The following PDE4D variants were observed in gnomAD, a reference collection of about 807,000 sequenced individuals.
PDE4D encodes phosphodiesterase 4D.
PDE4D carries 24 observed loss-of-function variants against 87.4 expected under a neutral mutation model. The observed-to-expected ratio is 0.27, with a 90% CI of 0.20 to 0.39. The LOEUF (loss-of-function observed/expected upper bound fraction) is 0.39. Ranked by LOEUF, PDE4D falls within the 10% of genes least tolerant of loss-of-function variation. The pLI, the probability that PDE4D is intolerant of heterozygous loss-of-function variation, is 1.00. For missense variants in PDE4D, 714 were observed against 1,041.0 expected (o/e 0.69, Z 4.32); for synonymous variants, 384 against 383.2 (o/e 1.00, Z -0.02).
chr5:59,457,815 G>A (rs550332518), intron 1 of PDE4D, among the ~76,000 whole-genome samples: 1 of 152,180 alleles, frequency 6.6e-6, no homozygotes, highest in East Asian at 1.9e-4. Context: ...AAAATCGCTT[G>A]AACCCAGGAA....
At chr5:59,004,940 AG>A (rs1218233148) in intron 6 of PDE4D, among the ~76,000 whole-genome samples, 1 of 152,168 alleles carries the variant, frequency 6.6e-6, no homozygotes, top group East Asian at 1.9e-4. Context: ...CTCCTCATCC[AG>A]GGTGGAGGAT....
intron 1 of PDE4D, among the ~76,000 whole-genome samples, chr5:59,419,295 G>A (rs1468821093): frequency 6.6e-6 from 1 of 152,068 alleles, no homozygotes; most frequent in Admixed American, 6.6e-5. Flanking sequence ...TGAGCAGTTC[G>A]ACTTTGATTT....
intron 1 of PDE4D, among the ~76,000 whole-genome samples, chr5:60,455,288 A>G (rs1746387294): frequency 6.6e-6 from 1 of 152,186 alleles, no homozygotes; most frequent in East Asian, 1.9e-4. Context: ...TAAACACTAG[A>G]TGACATTTTA....
At chr5:59,285,514 T>TAA (rs11383327) in intron 1 of PDE4D, among the ~76,000 whole-genome samples, 2 of 149,872 alleles carry the variant, frequency 1.3e-5, no homozygotes, top group African/African-American at 4.9e-5. Context: ...GTGTTATAAT[T>TAA]AAAAAAAAAA....
At chr5:60,242,137 A>G (rs1583187875) in intron 1 of PDE4D, among the ~76,000 whole-genome samples, 1 of 152,258 alleles carries the variant, frequency 6.6e-6, no homozygotes, top group South Asian at 2.1e-4. Context: ...AAAAGGGTGG[A>G]AAAAGATATT....
At chr5:59,609,428 A>G (rs1215674938) in intron 1 of PDE4D, among the ~76,000 whole-genome samples, 1 of 143,828 alleles carries the variant, frequency 7.0e-6, no homozygotes, top group Non-Finnish European at 1.5e-5. Context: ...TCTGAATATC[A>G]CTATGATTTG....
At chr5:60,132,509 C>T (rs939262816) in intron 2 of PDE4D, among the ~76,000 whole-genome samples, 1 of 151,964 alleles carries the variant, frequency 6.6e-6, no homozygotes, top group African/African-American at 2.4e-5. Context: ...ATAATAGAAT[C>T]AGTATATTGT....
At chr5:60,140,102 A>G (rs982051402) in intron 2 of PDE4D, among the ~76,000 whole-genome samples, 1 of 152,084 alleles carries the variant, frequency 6.6e-6, no homozygotes, top group African/African-American at 2.4e-5. Flanking sequence ...TTGGTCCTGT[A>G]ATTAAGTTAG....
At chr5:59,454,157 T>C (rs1283002372) in intron 1 of PDE4D, among the ~76,000 whole-genome samples, 1 of 152,204 alleles carries the variant, frequency 6.6e-6, no homozygotes, top group East Asian at 1.9e-4. Context: ...CTACTGCTCT[T>C]ATATAAAGAT....
intron 1 of PDE4D, among the ~76,000 whole-genome samples, chr5:59,528,647 T>G (rs1813598176): frequency 6.6e-6 from 1 of 152,192 alleles, no homozygotes; most frequent in East Asian, 1.9e-4. Flanking sequence ...TAGGAATTTC[T>G]GGAATTTGCT....
At chr5:60,467,900 A>T (rs2150185168) in intron 1 of PDE4D, among the ~76,000 whole-genome samples, 1 of 152,250 alleles carries the variant, frequency 6.6e-6, no homozygotes, top group Middle Eastern at 3.4e-3. Context: ...ACAAGGGGGA[A>T]ATCCACCCCC....
chr5:59,875,871 A>G (rs1245584231), intron 1 of PDE4D, among the ~76,000 whole-genome samples: 1 of 152,168 alleles, frequency 6.6e-6, no homozygotes, highest in East Asian at 1.9e-4. Context: ...AGAAAAACAG[A>G]TACCACATGT....
At chr5:60,017,482 G>T (rs1765637538) in intron 2 of PDE4D, among the ~76,000 whole-genome samples, 1 of 151,986 alleles carries the variant, frequency 6.6e-6, no homozygotes, top group African/African-American at 2.4e-5. Flanking sequence ...AGTGTGTGTT[G>T]TTCCCCTCCC....
At chr5:59,966,971 AC>A (rs544218535) in intron 3 of PDE4D, among the ~76,000 whole-genome samples, 2 of 152,174 alleles carry the variant, frequency 1.3e-5, no homozygotes, top group Non-Finnish European at 2.9e-5. Context: ...CAAATCAGAA[AC>A]CATTTAGCCC....
At chr5:59,954,743 T>C (rs1320574545) in intron 3 of PDE4D, among the ~76,000 whole-genome samples, 1 of 152,200 alleles carries the variant, frequency 6.6e-6, no homozygotes. Context: ...GCCATGTATG[T>C]GCCCCAGACC....
chr5:59,652,806 T>C (rs1677088916), intron 1 of PDE4D, among the ~76,000 whole-genome samples: 1 of 149,018 alleles, frequency 6.7e-6, no homozygotes. Flanking sequence ...TATTGCATGT[T>C]TTTTTTTTTT....
chr5:60,458,670 A>T (rs1746678174), intron 1 of PDE4D, among the ~76,000 whole-genome samples: 1 of 152,066 alleles, frequency 6.6e-6, no homozygotes, highest in Non-Finnish European at 1.5e-5. Flanking sequence ...AAATTAAATT[A>T]TTAAGAATGA....
At chr5:58,977,111 A>G in intron 12 of PDE4D, 80 bp downstream of exon 12, 1 of 1,292,468 alleles carries the variant, frequency 7.7e-7, no homozygotes, top group Non-Finnish European at 1.1e-6. Context: ...CCTTTTACCT[A>G]ATACTCATCT....
chr5:60,191,494 G>A (rs1785192326), intron 1 of PDE4D, among the ~76,000 whole-genome samples: 1 of 152,126 alleles, frequency 6.6e-6, no homozygotes, highest in African/African-American at 2.4e-5. Flanking sequence ...TGAAGAAGGT[G>A]TCTTGCTTCC....
Sources: allele counts gnomAD v4.1 joint callset (sites outside exome capture counted in the v4.1 genomes callset), GRCh38; gene constraint gnomAD v4.1.1; transcripts MANE v1.5; gene names NCBI Gene and HGNC (gene_info 2026-07-23, HGNC 2026-07-21).